SOCS5: variants seen among roughly 807,000 people sequenced by gnomAD.
SOCS5 encodes suppressor of cytokine signaling 5, also known as CIS-6.
A neutral mutation model predicts 42.8 loss-of-function variants in SOCS5; 32 were observed. The ratio of observed to expected loss-of-function variants is 0.75; its 90% CI spans 0.56 to 1.01. The LOEUF (loss-of-function observed/expected upper bound fraction) is 1.01, where lower values mean the gene tolerates loss of function less well. Among genes scored for constraint, SOCS5 ranks in the 50% least tolerant of loss-of-function variants. The pLI is 0.00. For missense variants in SOCS5, 627 were observed against 653.0 expected (o/e 0.96, Z 0.43); for synonymous variants, 283 against 229.6 (o/e 1.23, Z -2.10).
At chr2:46,756,238 A>T (rs1352625545) in intron 1 of SOCS5, among the ~76,000 whole-genome samples, 1 of 152,198 alleles carries the variant, frequency 6.6e-6, no homozygotes, top group Non-Finnish European at 1.5e-5. Context: ...AAAATTTATA[A>T]ACACGGAGAA....
chr2:46,734,180 G>C (rs944102420), intron 1 of SOCS5, among the ~76,000 whole-genome samples: 2 of 152,006 alleles, frequency 1.3e-5, no homozygotes, highest in Admixed American at 1.3e-4. Flanking sequence ...TTTCTTAATA[G>C]GACACTGGTG....
chr2:46,758,586 T>C lies in SOCS5; in HGVS notation c.56T>C (p.Phe19Ser). Reference sequence around the variant, plus strand: ...TTCAAATACAGGTGTCAGAATCTCTTCGGTCATGAGGGAGGAAGCCGTAGT... The same window carrying C: ...TTCAAATACAGGTGTCAGAATCTCTCCGGTCATGAGGGAGGAAGCCGTAGT... Reference protein sequence around the residue: ...NNFKYRCQNLFGHEGGSRSEN... With the variant: ...NNFKYRCQNLSGHEGGSRSEN... The change falls in exon 2 of 2, where the codon TTC becomes TCC. Residue 19 changes from phenylalanine (F) to serine (S), a missense_variant. By Grantham distance (155) the Phe-to-Ser change is radical (BLOSUM62 -2). Coordinates refer to ENST00000394861, the MANE Select transcript of SOCS5 (RefSeq NM_144949.3). The C allele has an allele frequency of 6.2e-7, 1 of 1,612,416 alleles. No homozygotes were observed. Among genetic ancestry groups the C allele is most frequent in the Non-Finnish European group, 8.5e-7 (1 of 1,179,322 alleles).
chr2:46,713,552 C>T (rs1024124360), intron 1 of SOCS5, among the ~76,000 whole-genome samples: 1 of 151,640 alleles, frequency 6.6e-6, no homozygotes, highest in African/African-American at 2.4e-5. Flanking sequence ...CCTTTTTTCC[C>T]CTTGATTAAT....
At chr2:46,727,860 A>G (rs1015239266) in intron 1 of SOCS5, among the ~76,000 whole-genome samples, 1 of 152,162 alleles carries the variant, frequency 6.6e-6, no homozygotes, top group Non-Finnish European at 1.5e-5. Context: ...CTTGAGAGGA[A>G]AAGCTGGGTC....
At chr2:46,731,281 AG>A (rs982522664) in intron 1 of SOCS5, among the ~76,000 whole-genome samples, 3 of 152,164 alleles carry the variant, frequency 2.0e-5, no homozygotes, top group Non-Finnish European at 2.9e-5. Flanking sequence ...TGAAAAGATG[AG>A]AGTTCTCCTT....
At chr2:46,702,787 A>G (rs888278034) in intron 1 of SOCS5, among the ~76,000 whole-genome samples, 1 of 152,186 alleles carries the variant, frequency 6.6e-6, no homozygotes, top group African/African-American at 2.4e-5. Flanking sequence ...TGTTTTAGCA[A>G]ATGTTTTTGA....
chr2:46,698,940 A>C (rs2103679116), upstream of SOCS5: 1 of 152,330 alleles, frequency 6.6e-6, no homozygotes, highest in African/African-American at 2.4e-5. Context: ...CGCAGCTGCC[A>C]GACTCCAAAA....
intron 1 of SOCS5, among the ~76,000 whole-genome samples, chr2:46,747,836 G>A (rs1456365582): frequency 6.6e-6 from 1 of 152,048 alleles, no homozygotes; most frequent in African/African-American, 2.4e-5. Flanking sequence ...TCGTCATATT[G>A]TCCACATGTG....
chr2:46,725,439 CT>C (rs1343162852), intron 1 of SOCS5, among the ~76,000 whole-genome samples: 36 of 152,066 alleles, frequency 2.4e-4, no homozygotes, highest in African/African-American at 8.7e-4. Context: ...TATTGTTCCT[CT>C]TTTCCCCCTT....
chr2:46,746,379 G>A (rs566510569), intron 1 of SOCS5, among the ~76,000 whole-genome samples: 10 of 152,088 alleles, frequency 6.6e-5, no homozygotes, highest in South Asian at 2.1e-4. Context: ...CATCAGGGCC[G>A]GGTGGCTCAC....
At chr2:46,703,470 T>G (rs2103686443) in intron 1 of SOCS5, among the ~76,000 whole-genome samples, 1 of 152,332 alleles carries the variant, frequency 6.6e-6, no homozygotes, top group East Asian at 1.9e-4. Context: ...TATTGGACAT[T>G]TATTGCATTC....
chr2:46,756,418 T>C (rs1673731818), intron 1 of SOCS5, among the ~76,000 whole-genome samples: 1 of 152,182 alleles, frequency 6.6e-6, no homozygotes, highest in Admixed American at 6.5e-5. Flanking sequence ...GTTCTTCGTG[T>C]GTGTATGTTT....
At chr2:46,720,511 A>C (rs1320319273) in intron 1 of SOCS5, among the ~76,000 whole-genome samples, 1 of 152,204 alleles carries the variant, frequency 6.6e-6, no homozygotes, top group Non-Finnish European at 1.5e-5. Context: ...TTGCTTTTCC[A>C]ATTTGGCATT....
chr2:46,736,396 C>G (rs112868125), intron 1 of SOCS5, among the ~76,000 whole-genome samples: 3,587 of 152,194 alleles, frequency 0.024, 156 homozygotes, highest in African/African-American at 0.082. Flanking sequence ...CATTCACATT[C>G]TTGTGCAACC....
At chr2:46,727,130 C>G (rs1044970324) in intron 1 of SOCS5, among the ~76,000 whole-genome samples, 2 of 147,258 alleles carry the variant, frequency 1.4e-5, no homozygotes, top group South Asian at 2.1e-4. Flanking sequence ...AGTGTTTTCC[C>G]TTGTTGGAGC....
chr2:46,717,661 C>G (rs1347487524), intron 1 of SOCS5, among the ~76,000 whole-genome samples: 1 of 152,094 alleles, frequency 6.6e-6, no homozygotes, highest in African/African-American at 2.4e-5. Flanking sequence ...TCCCACTGCT[C>G]TAAAGATTTC....
chr2:46,746,400 C>A (rs1196779787), intron 1 of SOCS5, among the ~76,000 whole-genome samples: 1 of 151,994 alleles, frequency 6.6e-6, no homozygotes, highest in Non-Finnish European at 1.5e-5. Context: ...GCCTGTAATC[C>A]CAGCACTTTG....
intron 1 of SOCS5, among the ~76,000 whole-genome samples, chr2:46,755,989 C>A (rs976936226): frequency 6.6e-6 from 1 of 152,076 alleles, no homozygotes; most frequent in Non-Finnish European, 1.5e-5. Flanking sequence ...ATAACATGCT[C>A]CAGAATAAGA....
chr2:46,754,101 C>G (rs1673683443), intron 1 of SOCS5, among the ~76,000 whole-genome samples: 2 of 152,056 alleles, frequency 1.3e-5, no homozygotes, highest in African/African-American at 4.8e-5. Flanking sequence ...CCTTATTTTT[C>G]CCAGCCCCTA....
Sources: gnomAD v4.1 joint callset for allele counts (sites outside exome capture counted in the v4.1 genomes callset) on GRCh38, gnomAD v4.1.1 for gene constraint, MANE v1.5 for transcripts, NCBI Gene and HGNC (gene_info 2026-07-23, HGNC 2026-07-21) for gene names.